SCYL2: variants seen among roughly 807,000 people sequenced by gnomAD.
The protein encoded by SCYL2 is SCY1 like pseudokinase 2.
A neutral mutation model predicts 100.4 loss-of-function variants in SCYL2; 36 were observed. The observed-to-expected ratio is 0.36, with a 90% CI of 0.27 to 0.47. The LOEUF (loss-of-function observed/expected upper bound fraction) is 0.47. SCYL2 is among the 20% of genes least tolerant of loss of function. The probability of loss-of-function intolerance (pLI) is 1.00; values close to 1 mark genes in which losing one functional copy is unlikely to be tolerated. For missense variants in SCYL2, 902 were observed against 1,083.9 expected (o/e 0.83, Z 2.36); for synonymous variants, 330 against 359.2 (o/e 0.92, Z 0.92).
chr12:100,332,654 A>AG (rs1293303234), intron 13 of SCYL2, among the ~76,000 whole-genome samples: 2 of 151,998 alleles, frequency 1.3e-5, no homozygotes, highest in Admixed American at 6.6e-5. Context: ...AATGACTGGA[A>AG]GGGGGTATAA....
chr12:100,272,802 G>A (rs552389559), intron 1 of SCYL2, among the ~76,000 whole-genome samples: 2 of 151,808 alleles, frequency 1.3e-5, no homozygotes, highest in South Asian at 2.1e-4. Flanking sequence ...TGCTATTTTT[G>A]TAATTCAGCA....
intron 1 of SCYL2, among the ~76,000 whole-genome samples, chr12:100,273,382 T>C (rs1204813896): frequency 2.0e-5 from 3 of 152,194 alleles, no homozygotes; most frequent in African/African-American, 4.8e-5. Flanking sequence ...CTGTAGCGTT[T>C]TATCACTCTG....
At chr12:100,274,843 T>G (rs999989553) in intron 1 of SCYL2, among the ~76,000 whole-genome samples, 2 of 152,362 alleles carry the variant, frequency 1.3e-5, no homozygotes, top group Middle Eastern at 3.4e-3. Context: ...AACCTTGGTT[T>G]GTGCCATAGA....
In SCYL2 at chr12:100,340,131, C is replaced by T. The variant is rs1952334668; in HGVS notation, c.*959C>T. On this transcript the variant is annotated 3_prime_UTR_variant, in exon 18 of 18. Coordinates refer to ENST00000360820, the MANE Select transcript of SCYL2 (RefSeq NM_017988.6). The stretch of plus-strand genomic sequence containing the variant: ...GTTTCAAATGTAATAAACTTTACTT[C>T]TGTAAAAATTGAGCAGTTGTATCTT... The T allele has an allele frequency of 6.6e-6, 1 of 152,502 alleles. No individual in the cohort carries two copies. The allele number at this position is 152,502 out of a possible 1,614,324, so 9.4% of individuals were successfully genotyped here. A position where few individuals can be genotyped will look rare whatever the true frequency, so the allele number is the denominator to read the frequency against.
intron 2 of SCYL2, among the ~76,000 whole-genome samples, chr12:100,286,080 A>T (rs539017972): frequency 1.3e-5 from 2 of 152,184 alleles, no homozygotes; most frequent in African/African-American, 4.8e-5. Context: ...ATTTGTTTAA[A>T]TAATTTCTAA....
rs1373610777 is a variant in SCYL2, at chr12:100,334,153, C to A, written c.1762-13C>A. The A allele has an allele frequency of 6.9e-7, 1 of 1,448,578 alleles. No homozygotes were observed. The highest frequency in any genetic ancestry group is 9.6e-7 in the Non-Finnish European group (1 of 1,036,406). The allele number at this position is 1,448,578 out of a possible 1,614,324, so 89.7% of individuals were successfully genotyped here. ...TGAAACATTGTAACCATATCAATTT[C>A]TCATTATACCAGTTCAATTCTTTCA... On this transcript the variant is annotated splice_polypyrimidine_tract_variant and intron_variant, in intron 13 of 17. Coordinates refer to ENST00000360820, the MANE Select transcript of SCYL2 (RefSeq NM_017988.6).
intron 2 of SCYL2, 117 bp downstream of exon 2, chr12:100,283,264 G>A (rs1427065275): frequency 1.3e-6 from 1 of 745,720 alleles, no homozygotes; most frequent in African/African-American, 1.8e-5. Flanking sequence ...TCTTAAATGG[G>A]TTCTTTAGTT....
rs376221920 is a variant in SCYL2, at chr12:100,339,204, C to G, written c.*32C>G. ...TTACTTCTATTTTGAAGGATTATTT[C>G]AGTTTCAATCATGGGTGAGCTGATT... On this transcript the variant is annotated 3_prime_UTR_variant, in exon 18 of 18. Transcript: ENST00000360820. 9.7e-5 allele frequency: 153 copies of G among 1,580,586 alleles called. No individual in the cohort carries two copies. The highest frequency in any genetic ancestry group is 1.3e-4 in the Non-Finnish European group (149 of 1,163,842).
Position 100,267,195 on chromosome 12 carries a change from T to G in SCYL2, c.-626T>G. ...GTCTTTTAGTCTTTTTCCCCCTCCC[T>G]TACTCTTCGTCCCCGGTCCCTCCCC... On this transcript the variant is annotated 5_prime_UTR_variant, in exon 1 of 18. Coordinates refer to ENST00000360820, the MANE Select transcript of SCYL2 (RefSeq NM_017988.6). 1 of 1,096,178 alleles carries G rather than the reference T, an allele frequency of 9.1e-7. No homozygotes were observed. The highest frequency in any genetic ancestry group is 1.3e-6 in the Non-Finnish European group (1 of 774,426). The allele number at this position is 1,096,178 out of a possible 1,614,324, so 67.9% of individuals were successfully genotyped here.
At chr12:100,295,004 C>T (rs1467877483) in intron 3 of SCYL2, among the ~76,000 whole-genome samples, 1 of 151,666 alleles carries the variant, frequency 6.6e-6, no homozygotes, top group Non-Finnish European at 1.5e-5. Context: ...CAGAGACGCT[C>T]CTCACCTCCC....
intron 2 of SCYL2, among the ~76,000 whole-genome samples, chr12:100,288,404 T>G (rs1174665227): frequency 6.6e-6 from 1 of 152,170 alleles, no homozygotes; most frequent in Non-Finnish European, 1.5e-5. Context: ...TGCCTCATTT[T>G]TACAAAGTGT....
intron 17 of SCYL2, among the ~76,000 whole-genome samples, chr12:100,338,173 C>T (rs1177973696): frequency 6.6e-6 from 1 of 152,034 alleles, no homozygotes; most frequent in African/African-American, 2.4e-5. Context: ...AAACAAATTC[C>T]TATAAAGTTT....
At chr12:100,294,266 A>C (rs867778225) in intron 3 of SCYL2, among the ~76,000 whole-genome samples, 246 of 90,498 alleles carry the variant, frequency 2.7e-3, no homozygotes, top group Middle Eastern at 0.016. Context: ...CTGACCCCCC[A>C]ACCTCCCTCC....
Position 100,284,710 on chromosome 12 carries a change from G to A in SCYL2, c.177+1563G>A, listed in dbSNP as rs535715766. Among the ~76,000 whole-genome samples the A allele has an allele frequency of 8.0e-4, 122 of 152,218 alleles. No individual in the cohort carries two copies. In the Middle Eastern group the frequency reaches 0.017, roughly 21 times the overall value. ...ACTCCTGACCTCAAGTGATCCGCCC[G>A]TCTCGGCCTCCCAAAGTGCTGGAAT... On this transcript the variant is annotated intron_variant, in intron 2 of 17. Coordinates refer to ENST00000360820, the MANE Select transcript of SCYL2 (RefSeq NM_017988.6).
At chr12:100,290,275 C>T (rs1165270163) in intron 2 of SCYL2, among the ~76,000 whole-genome samples, 1 of 152,092 alleles carries the variant, frequency 6.6e-6, no homozygotes, top group Non-Finnish European at 1.5e-5. Flanking sequence ...GATACATCCT[C>T]TGTTGTTTTA....
intron 4 of SCYL2, among the ~76,000 whole-genome samples, chr12:100,304,552 G>T (rs1255672880): frequency 1.3e-5 from 2 of 152,174 alleles, no homozygotes; most frequent in African/African-American, 2.4e-5. Context: ...GTGAGGTGAA[G>T]CCACACTGTG....
At chr12:100,280,944 A>G (rs1231985410) in intron 1 of SCYL2, among the ~76,000 whole-genome samples, 1 of 151,958 alleles carries the variant, frequency 6.6e-6, no homozygotes, top group Non-Finnish European at 1.5e-5. Context: ...CATTAATAAC[A>G]AACCTATGTA....
At position 100,339,948 on chromosome 12, in the gene SCYL2, A is replaced by G. The variant is rs1248677236; in HGVS notation, c.*776A>G. The G allele has an allele frequency of 3.3e-5, 5 of 152,554 alleles. No individual in the cohort carries two copies. The highest frequency in any genetic ancestry group is 1.3e-4 in the Admixed American group (2 of 15,274). The allele number at this position is 152,554 out of a possible 1,614,324, so 9.5% of individuals were successfully genotyped here. On this transcript the variant is annotated 3_prime_UTR_variant, in exon 18 of 18. Transcript: ENST00000360820. ...ATGTGCTGATTTGTTTGGATATTTG[A>G]CAAGGCACTCTGATGTGACTTCCCT... is the stretch of plus-strand genomic sequence containing the variant.
At chr12:100,328,461 T>C (rs1287177730) in intron 12 of SCYL2, among the ~76,000 whole-genome samples, 1 of 152,230 alleles carries the variant, frequency 6.6e-6, no homozygotes, top group Non-Finnish European at 1.5e-5. Context: ...ACAAGCATAG[T>C]GCTCAGCAAA....
Sources: gnomAD v4.1 joint callset for allele counts (sites outside exome capture counted in the v4.1 genomes callset) on GRCh38, gnomAD v4.1.1 for gene constraint, MANE v1.5 for transcripts, NCBI Gene and HGNC (gene_info 2026-07-23, HGNC 2026-07-21) for gene names.